The following BTBD8 variants were observed in gnomAD, a reference collection of about 807,000 sequenced individuals.
The protein encoded by BTBD8 is BTB domain containing 8.
Under a neutral mutation model 162.9 loss-of-function variants are expected in BTBD8, and 110 were observed. The ratio of observed to expected loss-of-function variants is 0.68; its 90% CI spans 0.58 to 0.79. BTBD8 has a LOEUF of 0.79. Among genes scored for constraint, BTBD8 ranks in the 30% least tolerant of loss-of-function variants. The pLI, the probability that BTBD8 is intolerant of heterozygous loss-of-function variation, is 0.00. For missense variants in BTBD8, 1,905 were observed against 2,085.4 expected (o/e 0.91, Z 1.68); for synonymous variants, 667 against 716.1 (o/e 0.93, Z 1.10).
intron 13 of BTBD8, among the ~76,000 whole-genome samples, chr1:92,175,217 A>T (rs1307671353): frequency 6.6e-6 from 1 of 151,984 alleles, no homozygotes; most frequent in African/African-American, 2.4e-5. Flanking sequence ...GCGGTGGCTC[A>T]CACCTGTAAT....
At chr1:92,170,547 AT>A (rs1470045702) in intron 12 of BTBD8, among the ~76,000 whole-genome samples, 6 of 152,140 alleles carry the variant, frequency 3.9e-5, no homozygotes, top group African/African-American at 1.4e-4. Flanking sequence ...TATAGCACAT[AT>A]CCTATAGAAT....
intron 6 of BTBD8, among the ~76,000 whole-genome samples, chr1:92,140,902 A>G (rs1427497083): frequency 6.6e-6 from 1 of 152,250 alleles, no homozygotes; most frequent in Non-Finnish European, 1.5e-5. Context: ...CTTGTTCTCT[A>G]CTAATCAAAT....
At chr1:92,104,254 A>T (rs1383607459) in intron 3 of BTBD8, among the ~76,000 whole-genome samples, 1 of 152,256 alleles carries the variant, frequency 6.6e-6, no homozygotes, top group Non-Finnish European at 1.5e-5. Flanking sequence ...ACTGGTGTGT[A>T]AAGCAACAAC....
At chr1:92,098,199 A>G (rs1648502405) in intron 2 of BTBD8, among the ~76,000 whole-genome samples, 1 of 152,150 alleles carries the variant, frequency 6.6e-6, no homozygotes, top group African/African-American at 2.4e-5. Context: ...GCCCAAATCC[A>G]TGTTTCCAGA....
intron 9 of BTBD8, among the ~76,000 whole-genome samples, chr1:92,150,312 C>G (rs1650017005): frequency 6.6e-6 from 1 of 152,048 alleles, no homozygotes; most frequent in South Asian, 2.1e-4. Context: ...ACATACATTT[C>G]AGAAATATTA....
At chr1:92,103,262 T>C (rs1648645544) in intron 3 of BTBD8, among the ~76,000 whole-genome samples, 1 of 152,234 alleles carries the variant, frequency 6.6e-6, no homozygotes, top group South Asian at 2.1e-4. Context: ...AAGGATCTTA[T>C]TACTGGTGTG....
chr1:92,094,243 A>C (rs1362436117), intron 2 of BTBD8, among the ~76,000 whole-genome samples: 1 of 152,238 alleles, frequency 6.6e-6, no homozygotes, highest in Non-Finnish European at 1.5e-5. Context: ...CCTTGAGATT[A>C]GATTGTCTCA....
intron 12 of BTBD8, among the ~76,000 whole-genome samples, chr1:92,170,900 AT>A (rs1221079676): frequency 1.3e-5 from 2 of 151,774 alleles, no homozygotes; most frequent in African/African-American, 2.4e-5. Flanking sequence ...GTAGAACCTT[AT>A]TTTTTTATTT....
chr1:92,132,649 T>C (rs765411343), intron 5 of BTBD8, among the ~76,000 whole-genome samples: 1 of 152,172 alleles, frequency 6.6e-6, no homozygotes, highest in Non-Finnish European at 1.5e-5. Flanking sequence ...GACCATACAC[T>C]GTATTAGTGC....
intron 8 of BTBD8, 143 bp from the exon 9 acceptor site, chr1:92,147,541 A>G: frequency 1.5e-6 from 1 of 649,876 alleles, no homozygotes; most frequent in Non-Finnish European, 2.6e-6. Context: ...AAGAGAATAT[A>G]AAGTCCATTT....
At chr1:92,121,779 T>A (rs1221112001) in intron 4 of BTBD8, among the ~76,000 whole-genome samples, 2 of 152,156 alleles carry the variant, frequency 1.3e-5, no homozygotes, top group Non-Finnish European at 2.9e-5. Context: ...ATGTGCTTAT[T>A]TGCCATCTGT....
chr1:92,130,819 C>G (rs1649498819), intron 5 of BTBD8, among the ~76,000 whole-genome samples: 2 of 152,294 alleles, frequency 1.3e-5, no homozygotes, highest in South Asian at 4.1e-4. Flanking sequence ...TTTCCTGCCT[C>G]AGCCTCCTGA....
At chr1:92,118,190 T>C (rs1030845009) in intron 4 of BTBD8, among the ~76,000 whole-genome samples, 2 of 151,906 alleles carry the variant, frequency 1.3e-5, no homozygotes, top group African/African-American at 4.9e-5. Flanking sequence ...TAGTGTCCTT[T>C]TGTATTTGAG....
At chr1:92,151,550 A>G (rs2100644440) in intron 9 of BTBD8, among the ~76,000 whole-genome samples, 1 of 151,614 alleles carries the variant, frequency 6.6e-6, no homozygotes, top group African/African-American at 2.4e-5. Flanking sequence ...TTTTTAAATT[A>G]TTTTTTTTCA....
At position 92,129,891 on chromosome 1, in the gene BTBD8, A is replaced by T. The variant is rs186409663; in HGVS notation, c.752+115A>T. 8.9e-3 allele frequency: 7,886 copies of T among 884,042 alleles called. 63 individuals are homozygous for T. Among genetic ancestry groups the T allele is most frequent in the Non-Finnish European group, 0.012 (6,658 of 548,878 alleles). 54.8% of individuals were successfully genotyped at this position (884,042 alleles called of 1,614,324 possible). A position where few individuals can be genotyped will look rare whatever the true frequency, so the allele number is the denominator to read the frequency against. On this transcript the variant is annotated intron_variant, in intron 5 of 17. Transcript: ENST00000636805. Reference sequence around the variant, plus strand: ...ATGTTCAAGGAAATATTTCTCATGTAGAATTCAACAAAGTACATTTTCTGA... The same window carrying T: ...ATGTTCAAGGAAATATTTCTCATGTTGAATTCAACAAAGTACATTTTCTGA...
In BTBD8 at chr1:92,129,724, A is replaced by G. The variant is rs553423115; in HGVS notation, c.700A>G (p.Met234Val). 1.2e-6 allele frequency: 2 copies of G among 1,614,094 alleles called. No individual in the cohort carries two copies. The highest frequency in any genetic ancestry group is 2.2e-5 in the South Asian group (2 of 91,068). ...TGCCAGATCTAGTTATTTTGCTGCA[A>G]TGCTGAGTGGCTGTTGGGCTGAAAG... ...LSARSSYFAA[M>V]LSGCWAESSQ... The change falls in exon 5 of 18, where the codon ATG becomes GTG. Residue 234 changes from methionine (M) to valine (V), a missense_variant. By Grantham distance (21) the Met-to-Val change is conservative. This residue lies in a region of BTBD8 where 1,374 missense variants were observed against 1,442.7 expected (regional missense o/e 0.95). Transcript: ENST00000636805.
intron 1 of BTBD8, among the ~76,000 whole-genome samples, chr1:92,082,110 A>G (rs1378484276): frequency 1.3e-5 from 2 of 152,202 alleles, no homozygotes; most frequent in Non-Finnish European, 2.9e-5. Flanking sequence ...AAATGAGGTT[A>G]AAGTATTGCT....
intron 9 of BTBD8, among the ~76,000 whole-genome samples, chr1:92,151,352 C>A (rs1422515025): frequency 1.3e-3 from 162 of 127,840 alleles, no homozygotes; most frequent in Middle Eastern, 4.0e-3. Context: ...GAAACTGTCT[C>A]AAAAAAAAAA....
chr1:92,097,500 T>C (rs1363591909), intron 2 of BTBD8, among the ~76,000 whole-genome samples: 1 of 152,210 alleles, frequency 6.6e-6, no homozygotes, highest in Non-Finnish European at 1.5e-5. Flanking sequence ...AATATCTTCA[T>C]CATCCCAGAA....
Sources: gnomAD v4.1 joint callset for allele counts (sites outside exome capture counted in the v4.1 genomes callset) on GRCh38, gnomAD v4.1.1 for gene constraint, gnomAD v4.1.1 regional missense constraint, MANE v1.5 for transcripts, NCBI Gene and HGNC (gene_info 2026-07-23, HGNC 2026-07-21) for gene names.